Variants in ERGIC1 observed in about 807,000 individuals in gnomAD.
ERGIC1 encodes endoplasmic reticulum-golgi intermediate compartment 1.
In ERGIC1, 19 loss-of-function variants were observed where a neutral mutation model predicts 38.3. That is an observed-to-expected ratio of 0.50 (90% CI 0.35 to 0.73). The LOEUF is 0.73. ERGIC1 is among the 30% of genes least tolerant of loss of function. The pLI is 0.01. For synonymous variants in ERGIC1, 124 were observed against 157.6 expected (o/e 0.79, Z 1.60); for missense variants, 294 against 389.2 (o/e 0.76, Z 2.06).
At chr5:172,935,571 AATCTCC>A (rs1763872081) in intron 9 of ERGIC1, 1 of 439,958 alleles carries the variant, frequency 2.3e-6, no homozygotes, top group Admixed American at 3.4e-5. Context: ...TCCTGAAGCA[AATCTCC>A]ATATGGTTCC....
At chr5:172,883,922 T>G (rs1024933828) in intron 1 of ERGIC1, among the ~76,000 whole-genome samples, 2 of 152,134 alleles carry the variant, frequency 1.3e-5, no homozygotes, top group African/African-American at 4.8e-5. Context: ...AGGTTGAGGC[T>G]GCAGTGAGTC....
At chr5:172,909,086 T>C (rs1763136070) in intron 3 of ERGIC1, among the ~76,000 whole-genome samples, 2 of 152,138 alleles carry the variant, frequency 1.3e-5, no homozygotes, top group African/African-American at 4.8e-5. Context: ...GAATTTGAAC[T>C]TGAATCTGTC....
rs146563201 is a variant in ERGIC1, at chr5:172,888,458, TA to T, written c.21-229del. 3.4e-3 allele frequency among the ~76,000 whole-genome samples: 488 copies of T among 143,728 alleles called. 2 individuals are homozygous for T. The highest frequency in any genetic ancestry group is 0.01 in the African/African-American group (401 of 39,250). The allele number at this position is 143,728 out of a possible 152,430, so 94.3% of individuals were successfully genotyped here. On this transcript the variant is annotated intron_variant, in intron 1 of 9. Coordinates refer to ENST00000393784, the MANE Select transcript of ERGIC1 (RefSeq NM_001031711.3). ...CTGGGTGACAGAGCGAGACCCTGTT[TA>T]AAAAAAAAAAAGAAATGTTATGAAG...
intron 1 of ERGIC1, among the ~76,000 whole-genome samples, chr5:172,859,973 A>G (rs1263220377): frequency 2.0e-5 from 3 of 152,182 alleles, no homozygotes; most frequent in Non-Finnish European, 4.4e-5. Flanking sequence ...TTAATTATTC[A>G]GCTCTGCCAG....
chr5:172,946,577 C>T (rs1764125603), intron 9 of ERGIC1, among the ~76,000 whole-genome samples: 1 of 152,230 alleles, frequency 6.6e-6, no homozygotes, highest in Non-Finnish European at 1.5e-5. Flanking sequence ...TGCATCTCCC[C>T]ATGTTCCAGA....
At chr5:172,949,923 A>G (rs563435127) in intron 9 of ERGIC1, among the ~76,000 whole-genome samples, 1 of 152,294 alleles carries the variant, frequency 6.6e-6, no homozygotes, top group South Asian at 2.1e-4. Flanking sequence ...AATACAAAAA[A>G]TTAGCCAGGC....
At chr5:172,935,414 G>T in intron 9 of ERGIC1, 104 bp downstream of exon 9, 1 of 1,503,258 alleles carries the variant, frequency 6.7e-7, no homozygotes, top group Non-Finnish European at 9.1e-7. Flanking sequence ...GAAACAGGAG[G>T]CAGCCTGCAG....
Position 172,926,664 on chromosome 5 carries a change from C to A in ERGIC1, c.541+95C>A, listed in dbSNP as rs1581580596. On this transcript the variant is annotated intron_variant, in intron 7 of 9. Coordinates refer to ENST00000393784, the MANE Select transcript of ERGIC1 (RefSeq NM_001031711.3). This position sits in a 1 kb window ranked among gnomAD's most constrained non-coding sequence, Gnocchi z 5.2. ...CAGAGAGGTGGGGGTGCCTGTCCAG[C>A]ACCCACTCCAAGGCAGGGAGGCTGC... 7.2e-7 allele frequency: 1 copy of A among 1,385,234 alleles called. No homozygotes were observed. The highest frequency in any genetic ancestry group is 2.3e-5 in the East Asian group (1 of 43,502). 85.8% of individuals were successfully genotyped at this position (1,385,234 alleles called of 1,614,324 possible). A position where few individuals can be genotyped will look rare whatever the true frequency, so the allele number is the denominator to read the frequency against.
At chr5:172,873,641 T>C (rs1762072432) in intron 1 of ERGIC1, among the ~76,000 whole-genome samples, 1 of 152,178 alleles carries the variant, frequency 6.6e-6, no homozygotes, top group Admixed American at 6.5e-5. Flanking sequence ...GGAGGATCAG[T>C]GTTCAGTCTC....
rs1443843592 is a variant in ERGIC1 at position 172,926,210 on chromosome 5, C to T, written c.481-299C>T. On this transcript the variant is annotated intron_variant, in intron 6 of 9. Transcript: ENST00000393784. The surrounding 1 kb of genome is among the most constrained non-coding windows in gnomAD (Gnocchi z 5.2). ...GGCAAGTTTTGGTGTCTTTCCAAGC[C>T]TTGATTTGCTCTTCTGTAAAATGGG... is the stretch of plus-strand genomic sequence containing the variant. Among the ~76,000 whole-genome samples, 2 of 152,198 alleles carry T rather than the reference C, an allele frequency of 1.3e-5. No homozygotes were observed. The highest frequency in any genetic ancestry group is 2.9e-5 in the Non-Finnish European group (2 of 68,038).
At chr5:172,930,275 T>C (rs1165685828) in intron 7 of ERGIC1, among the ~76,000 whole-genome samples, 1 of 152,060 alleles carries the variant, frequency 6.6e-6, no homozygotes, top group African/African-American at 2.4e-5. Context: ...TATGTGAGAC[T>C]GTGAACCATA....
At chr5:172,835,761 C>T (rs1048232453) in intron 1 of ERGIC1, among the ~76,000 whole-genome samples, 4 of 152,192 alleles carry the variant, frequency 2.6e-5, no homozygotes, top group Non-Finnish European at 5.9e-5. Flanking sequence ...CATGGTTTTC[C>T]AGCCTGTCCG....
chr5:172,879,489 C>T (rs1478059636), intron 1 of ERGIC1, among the ~76,000 whole-genome samples: 1 of 152,256 alleles, frequency 6.6e-6, no homozygotes, highest in African/African-American at 2.4e-5. Flanking sequence ...AACATAGTGA[C>T]ACTTGTACTT....
chr5:172,934,786 C>G (rs959158935), intron 8 of ERGIC1: 1 of 267,206 alleles, frequency 3.7e-6, no homozygotes, highest in Non-Finnish European at 7.6e-6. Flanking sequence ...GGGTCCCCAG[C>G]AGCCAGCCAT....
intron 5 of ERGIC1, chr5:172,916,252 G>C (rs1200887885): frequency 6.6e-6 from 1 of 152,358 alleles, no homozygotes; most frequent in Admixed American, 6.5e-5. Flanking sequence ...TCTGCTGCAT[G>C]TTGTGGGTTA....
intron 1 of ERGIC1, among the ~76,000 whole-genome samples, chr5:172,868,690 G>A (rs1301421555): frequency 6.6e-6 from 1 of 152,218 alleles, no homozygotes; most frequent in Non-Finnish European, 1.5e-5. Flanking sequence ...CTGATGTCAA[G>A]TATGGACTTT....
At position 172,940,342 on chromosome 5, in the gene ERGIC1, A is replaced by G. The variant is rs539955639; in HGVS notation, c.765+5032A>G. On this transcript the variant is annotated intron_variant, in intron 9 of 9. Coordinates refer to ENST00000393784, the MANE Select transcript of ERGIC1 (RefSeq NM_001031711.3). ...CTTGCTCAGAGCGATGCTCTGTGCT[A>G]TATTAGAACATTCCAGCGCCAAGGG... is the stretch of plus-strand genomic sequence containing the variant. Among the ~76,000 whole-genome samples, 3 of 152,234 alleles carry G rather than the reference A, an allele frequency of 2.0e-5. No homozygotes were observed. The South Asian group carries it at 6.2e-4, about 32-fold the overall frequency.
At chr5:172,888,899 G>A in intron 2 of ERGIC1, 139 bp downstream of exon 2, 3 of 798,768 alleles carry the variant, frequency 3.8e-6, no homozygotes, top group South Asian at 1.4e-5. Flanking sequence ...TCTTGCGGGG[G>A]CCCTTCAAGC....
intron 1 of ERGIC1, among the ~76,000 whole-genome samples, chr5:172,885,334 A>C (rs908733791): frequency 6.6e-6 from 1 of 150,656 alleles, no homozygotes; most frequent in Non-Finnish European, 1.5e-5. Flanking sequence ...AGGTCTCTCT[A>C]TGCTGCCCAG....
Sources: gnomAD v4.1 joint callset for allele counts (sites outside exome capture counted in the v4.1 genomes callset) on GRCh38, gnomAD v4.1.1 for gene constraint, Gnocchi (gnomAD v3.1) non-coding constraint, MANE v1.5 for transcripts, NCBI Gene and HGNC (gene_info 2026-07-23, HGNC 2026-07-21) for gene names.